SLIT3: variants seen among roughly 807,000 people sequenced by gnomAD.
The protein encoded by SLIT3 is slit homolog 3 protein.
A neutral mutation model predicts 184.0 loss-of-function variants in SLIT3; 68 were observed. The observed-to-expected ratio is 0.37, with a 90% CI of 0.30 to 0.45. SLIT3 has a LOEUF of 0.45. SLIT3 is among the 20% of genes least tolerant of loss of function. The pLI, the probability that SLIT3 is intolerant of heterozygous loss-of-function variation, is 1.00. For missense variants in SLIT3, 1,707 were observed against 2,026.0 expected, an observed-to-expected ratio of 0.84 and a Z score of 3.02; for synonymous variants, 831 against 828.6, an observed-to-expected ratio of 1.00 and a Z score of -0.05.
At chr5:169,257,922 A>G (rs1274368125) in intron 1 of SLIT3, among the ~76,000 whole-genome samples, 1 of 152,166 alleles carries the variant, frequency 6.6e-6, no homozygotes, top group Non-Finnish European at 1.5e-5. Context: ...TCAACGAATT[A>G]AAATGCTGTA....
intron 4 of SLIT3, among the ~76,000 whole-genome samples, chr5:169,112,742 G>A (rs1760457726): frequency 6.6e-6 from 1 of 152,142 alleles, no homozygotes; most frequent in Non-Finnish European, 1.5e-5. Flanking sequence ...TGGGAGTCAT[G>A]AGCAGGAGAT....
intron 4 of SLIT3, among the ~76,000 whole-genome samples, chr5:169,192,763 T>C (rs1348739918): frequency 2.6e-5 from 4 of 152,212 alleles, no homozygotes; most frequent in Non-Finnish European, 1.5e-5. Flanking sequence ...ACTGAGTCAC[T>C]GCCAGCATGA....
intron 4 of SLIT3, among the ~76,000 whole-genome samples, chr5:169,066,848 G>A (rs559490788): frequency 9.3e-5 from 14 of 150,968 alleles, no homozygotes; most frequent in African/African-American, 3.2e-4. Context: ...GACCTACTTG[G>A]CTGAACTTAA....
chr5:169,057,902 T>C (rs1416911817), intron 4 of SLIT3, among the ~76,000 whole-genome samples: 2 of 152,238 alleles, frequency 1.3e-5, no homozygotes, highest in South Asian at 4.1e-4. Context: ...AGCTTTCTTT[T>C]ATGGGGAAGG....
At chr5:168,697,001 C>T (rs1762084376) in intron 27 of SLIT3, among the ~76,000 whole-genome samples, 1 of 152,140 alleles carries the variant, frequency 6.6e-6, no homozygotes, top group Non-Finnish European at 1.5e-5. Flanking sequence ...TTGACCTTGA[C>T]CTGGGTGGTT....
Position 168,685,941 on chromosome 5 carries a change from G to T in SLIT3, c.3315-14C>A, listed in dbSNP as rs1398457424. 6.3e-7 allele frequency: 1 copy of T among 1,597,694 alleles called. No homozygotes were observed. The highest frequency in any genetic ancestry group is 8.5e-7 in the Non-Finnish European group (1 of 1,170,574). On this transcript the variant is annotated splice_polypyrimidine_tract_variant and intron_variant, in intron 30 of 35. Transcript: ENST00000519560. ...CAGAAGGGTCCACTGGAAGGCAGGA[G>T]AGAATGGGGAGGGAGATAGGAGAAT...
chr5:169,300,666 C>G lies in SLIT3; in HGVS notation c.44G>C (p.Arg15Pro). Reference protein sequence around the residue: ...WAGVGAAVRARLALALALASV... With the variant: ...WAGVGAAVRAPLALALALASV... ...CGCCAGCGCCAAGGCCAGCGCCAGGCGGGCGCGCACGGCGGCGCCGACCCC... is the reference window on the plus strand; with the variant it reads ...CGCCAGCGCCAAGGCCAGCGCCAGGGGGGCGCGCACGGCGGCGCCGACCCC... The change falls in exon 1 of 36, where the codon CGC (arginine) becomes CCC (proline). Residue 15 changes from arginine to proline, a missense_variant. Arg to Pro is a moderately radical substitution (Grantham distance 103). Transcript: ENST00000519560. The surrounding 1 kb of genome is among the most constrained non-coding windows in gnomAD (Gnocchi z 4.1). The G allele has an allele frequency of 1.4e-6, 2 of 1,414,152 alleles. No homozygotes were observed. Among genetic ancestry groups the G allele is most frequent in the Non-Finnish European group, 1.8e-6 (2 of 1,092,378 alleles). The allele number at this position is 1,414,152 out of a possible 1,614,324, so 87.6% of individuals were successfully genotyped here. A position where few individuals can be genotyped will look rare whatever the true frequency, so the allele number is the denominator to read the frequency against.
intron 20 of SLIT3, among the ~76,000 whole-genome samples, chr5:168,727,642 C>A (rs984149876): frequency 1.3e-5 from 2 of 152,348 alleles, no homozygotes; most frequent in Middle Eastern, 6.8e-3. Flanking sequence ...AGAGCTTCCT[C>A]AGGCCTCTCA....
intron 16 of SLIT3, among the ~76,000 whole-genome samples, chr5:168,756,309 A>C (rs948426273): frequency 1.3e-5 from 2 of 152,224 alleles, no homozygotes; most frequent in Non-Finnish European, 1.5e-5. Flanking sequence ...TTAGGGACTG[A>C]CTTGGAGCAA....
intron 4 of SLIT3, among the ~76,000 whole-genome samples, chr5:169,130,549 T>C (rs1761256563): frequency 6.6e-6 from 1 of 152,188 alleles, no homozygotes; most frequent in South Asian, 2.1e-4. Flanking sequence ...TGAATAAGCA[T>C]CATCAGGGTC....
chr5:168,712,436 C>T, intron 23 of SLIT3, 82 bp from the exon 24 acceptor site: 3 of 1,239,616 alleles, frequency 2.4e-6, no homozygotes, highest in South Asian at 2.4e-5. Flanking sequence ...GTGCCTGGCC[C>T]TGCCACCCTT....
At position 168,722,270 on chromosome 5, in the gene SLIT3, C is replaced by A. The variant is rs1303910433; in HGVS notation, c.2469G>T (p.Arg823=). The A allele has an allele frequency of 6.2e-7, 1 of 1,614,008 alleles. No individual in the cohort carries two copies. The highest frequency in any genetic ancestry group is 1.3e-5 in the African/African-American group (1 of 74,924). ...CIPVHAFNGL[R]SLRVLTLHGN... The stretch of plus-strand genomic sequence containing the variant: ...GGGGTACTCACAGCACTCGCAGGGA[C>A]CGCAGCCCGTTGAAGGCGTGGACGG... Residue 823 remains arginine, a synonymous_variant, in exon 23 of 36, where the codon CGG becomes CGT. Transcript: ENST00000519560.
chr5:169,147,297 C>G (rs1013039718), intron 4 of SLIT3, among the ~76,000 whole-genome samples: 3 of 152,186 alleles, frequency 2.0e-5, no homozygotes, highest in African/African-American at 4.8e-5. Context: ...GAGATGGAGT[C>G]TCACTCTCTT....
chr5:168,955,652 G>T (rs1217822870), intron 4 of SLIT3, among the ~76,000 whole-genome samples: 1 of 152,206 alleles, frequency 6.6e-6, no homozygotes, highest in East Asian at 1.9e-4. Flanking sequence ...CTGTCACTGT[G>T]GAACCAACTT....
rs548760754 is a variant in SLIT3 at position 168,961,658 on chromosome 5, G to A, written c.414-78322C>T. On this transcript the variant is annotated intron_variant, in intron 4 of 35. Coordinates refer to ENST00000519560, the MANE Select transcript of SLIT3 (RefSeq NM_003062.4). ...ACCTTCTGTGCAGAGAGAATAGTAT[G>A]TGCAAAGGCTCTGTGGTGCAGAAAG... is the stretch of plus-strand genomic sequence containing the variant. Among the ~76,000 whole-genome samples, 3 of 152,294 alleles carry A rather than the reference G, an allele frequency of 2.0e-5. No individual in the cohort carries two copies. In the South Asian group the frequency reaches 6.2e-4, roughly 32 times the overall value.
chr5:169,200,736 G>A (rs1356787915), intron 3 of SLIT3, among the ~76,000 whole-genome samples: 2 of 152,176 alleles, frequency 1.3e-5, no homozygotes, highest in African/African-American at 4.8e-5. Flanking sequence ...GTTGTTTACT[G>A]TAGTCACTGA....
At chr5:169,114,334 T>C (rs529889822) in intron 4 of SLIT3, among the ~76,000 whole-genome samples, 34 of 152,192 alleles carry the variant, frequency 2.2e-4, no homozygotes, top group Non-Finnish European at 4.0e-4. Context: ...TATTATCACC[T>C]CTGTTTTACA....
At chr5:169,046,662 G>A (rs549240132) in intron 4 of SLIT3, among the ~76,000 whole-genome samples, 41 of 152,260 alleles carry the variant, frequency 2.7e-4, no homozygotes, top group African/African-American at 4.1e-4. Context: ...AGACTGCTCC[G>A]CAGAAAGCAA....
Position 169,187,555 on chromosome 5 carries a change from C to CTT in SLIT3, c.413+5922_413+5923dup, listed in dbSNP as rs796812191. Among the ~76,000 whole-genome samples, 582 of 88,994 alleles carry CTT rather than the reference C, an allele frequency of 6.5e-3. 12 individuals are homozygous for CTT. The highest frequency in any genetic ancestry group is 0.033 in the East Asian group (115 of 3,484). 58.4% of individuals were successfully genotyped at this position (88,994 alleles called of 152,430 possible). On this transcript the variant is annotated intron_variant, in intron 4 of 35. Coordinates refer to ENST00000519560, the MANE Select transcript of SLIT3 (RefSeq NM_003062.4). ...TTTTTTCTTTTCTTTTTCTTTCTTT[C>CTT]TTTCTTTTTTTTTTTTTTTGAGACA... is the stretch of plus-strand genomic sequence containing the variant.
Sources: gnomAD v4.1 joint callset for allele counts (sites outside exome capture counted in the v4.1 genomes callset) on GRCh38, gnomAD v4.1.1 for gene constraint, Gnocchi (gnomAD v3.1) non-coding constraint, MANE v1.5 for transcripts, NCBI Gene and HGNC (gene_info 2026-07-23, HGNC 2026-07-21) for gene names.